The following GALNT15 variants were observed in gnomAD, a reference collection of about 807,000 sequenced individuals.
The protein encoded by GALNT15 is polypeptide N-acetylgalactosaminyltransferase 15, also known as UDP-GalNAc transferase T15.
In GALNT15, 67 loss-of-function variants were observed where a neutral mutation model predicts 66.8. The ratio of observed to expected loss-of-function variants is 1.00; its 90% CI spans 0.82 to 1.23. GALNT15 has a LOEUF of 1.23. Ranked by LOEUF, GALNT15 falls within the 50% of genes most tolerant of loss-of-function variation. The probability of loss-of-function intolerance (pLI) is 0.00; values close to 1 mark genes in which losing one functional copy is unlikely to be tolerated. For synonymous variants in GALNT15, 313 were observed against 311.5 expected, an observed-to-expected ratio of 1.00 and a Z score of -0.05; for missense variants, 827 against 804.3, an observed-to-expected ratio of 1.03 and a Z score of -0.34.
At position 16,176,919 on chromosome 3, in the gene GALNT15, G is replaced by C. The variant is rs2063416667; in HGVS notation, c.539+1229G>C. The stretch of plus-strand genomic sequence containing the variant: ...AACATCTCCTTAAATTGTGTGCCCC[G>C]GGTGCCTCACTCACCGCACCCTACT... On this transcript the variant is annotated intron_variant, in intron 1 of 9. Coordinates refer to ENST00000339732, the MANE Select transcript of GALNT15 (RefSeq NM_054110.5). This position sits in a 1 kb window ranked among gnomAD's most constrained non-coding sequence, Gnocchi z 5.6. Among the ~76,000 whole-genome samples, 1 of 152,066 alleles carries C rather than the reference G, an allele frequency of 6.6e-6. No homozygotes were observed. The highest frequency in any genetic ancestry group is 2.4e-5 in the African/African-American group (1 of 41,396).
At chr3:16,233,446 T>G (rs1308040952), downstream of GALNT15, among the ~76,000 whole-genome samples, 2 of 152,180 alleles carry the variant, frequency 1.3e-5, no homozygotes, top group Non-Finnish European at 2.9e-5. Context: ...ATTCATTTTC[T>G]TCTTTTCCCT....
the GALNT15 span, among the ~76,000 whole-genome samples, chr3:16,248,175 G>C: frequency 6.6e-6 from 1 of 152,202 alleles, no homozygotes; most frequent in Non-Finnish European, 1.5e-5. The surrounding 1 kb of genome is among the most constrained non-coding windows in gnomAD (Gnocchi z 4.9). Context: ...TTCTGCCCTA[G>C]AAAATATAGG....
rs2063409949 is a variant in GALNT15 at position 16,176,360 on chromosome 3, G to T, written c.539+670G>T. On this transcript the variant is annotated intron_variant, in intron 1 of 9. Coordinates refer to ENST00000339732, the MANE Select transcript of GALNT15 (RefSeq NM_054110.5). The surrounding 1 kb of genome is among the most constrained non-coding windows in gnomAD (Gnocchi z 5.6). ...AGTTGCTTTCCCAGTCACGCTGCTA[G>T]TAGGTAACAAAGTCAGGATTTGAAT... 6.6e-6 allele frequency among the ~76,000 whole-genome samples: 1 copy of T among 152,224 alleles called. No homozygotes were observed. Among genetic ancestry groups the T allele is most frequent in the African/African-American group, 2.4e-5 (1 of 41,446 alleles).
chr3:16,236,041 G>T (rs1278972989), downstream of GALNT15, among the ~76,000 whole-genome samples: 1 of 138,696 alleles, frequency 7.2e-6, no homozygotes, highest in Non-Finnish European at 1.5e-5. Context: ...GGAGGCGGAG[G>T]TTGGAGTGAG....
intron 6 of GALNT15, among the ~76,000 whole-genome samples, chr3:16,215,612 G>T (rs1348972029): frequency 1.3e-5 from 2 of 152,098 alleles, no homozygotes; most frequent in Non-Finnish European, 2.9e-5. Flanking sequence ...GGATGTATTT[G>T]GTATATCGAA....
downstream of GALNT15, among the ~76,000 whole-genome samples, chr3:16,234,944 T>G (rs2064117653): frequency 6.8e-6 from 1 of 146,866 alleles, no homozygotes; most frequent in Admixed American, 6.7e-5. Context: ...TTTTTTTTTG[T>G]TGGAGTCTCA....
chr3:16,174,926 A>T lies in GALNT15; in HGVS notation c.-226A>T, dbSNP rs2063388280. 10 of 537,140 alleles carry T rather than the reference A, an allele frequency of 1.9e-5. No homozygotes were observed. In the South Asian group the frequency reaches 3.1e-4, roughly 17 times the overall value. 33.3% of individuals were successfully genotyped at this position (537,140 alleles called of 1,614,324 possible). On this transcript the variant is annotated 5_prime_UTR_variant, in exon 1 of 10. Transcript: ENST00000339732. This position sits in a 1 kb window ranked among gnomAD's most constrained non-coding sequence, Gnocchi z 4.7. ...TTTCAGAAGGCAATTAAAGAAATCC[A>T]CTCAGAGAGGACTTGGGGTGAAACT...
Position 16,227,327 on chromosome 3 carries a change from C to CT in GALNT15, c.1774-23dup. 1 of 1,597,314 alleles carries CT rather than the reference C, an allele frequency of 6.3e-7. No individual in the cohort carries two copies. Among genetic ancestry groups the CT allele is most frequent in the Non-Finnish European group, 8.5e-7 (1 of 1,174,606 alleles). ...TGACTGATTGTGGGGGACTGGTTTT[C>CT]TTTTCTTTTTTCCTTTCTCTTTTTA... On this transcript the variant is annotated intron_variant, in intron 9 of 9. Transcript: ENST00000339732. This position sits in a 1 kb window ranked among gnomAD's most constrained non-coding sequence, Gnocchi z 4.5.
chr3:16,237,483 C>A, the GALNT15 span, among the ~76,000 whole-genome samples: 2 of 152,224 alleles, frequency 1.3e-5, no homozygotes, highest in South Asian at 4.1e-4. The surrounding 1 kb of genome is among the most constrained non-coding windows in gnomAD (Gnocchi z 4.2). Context: ...AGCTCTCCAG[C>A]CCTACATCTA....
In GALNT15 at chr3:16,219,582, A is replaced by C. The variant is rs750409223; in HGVS notation, c.1524+48A>C. Reference sequence around the variant, plus strand: ...TGGGGAGGGACAGGGAAGCTTCCCAAGACAAGAACTAGATGTTCAGCTCTT... The same window carrying C: ...TGGGGAGGGACAGGGAAGCTTCCCACGACAAGAACTAGATGTTCAGCTCTT... On this transcript the variant is annotated intron_variant, in intron 7 of 9. Transcript: ENST00000339732. This position sits in a 1 kb window ranked among gnomAD's most constrained non-coding sequence, Gnocchi z 4.3. 1.2e-6 allele frequency: 2 copies of C among 1,603,962 alleles called. No homozygotes were observed. Among genetic ancestry groups the C allele is most frequent in the Non-Finnish European group, 1.7e-6 (2 of 1,175,034 alleles).
In GALNT15 at chr3:16,195,346, A is replaced by T. The variant is rs1375717638; in HGVS notation, c.540-414A>T. On this transcript the variant is annotated intron_variant, in intron 1 of 9. Transcript: ENST00000339732. The surrounding 1 kb of genome is among the most constrained non-coding windows in gnomAD (Gnocchi z 4.6). ...AATGCAAATTCTTCAGCCCCACTCC[A>T]TCTCCAGAAACTCTGGGGGTGGGCC... Among the ~76,000 whole-genome samples the T allele has an allele frequency of 6.6e-6, 1 of 152,126 alleles. No homozygotes were observed. Among genetic ancestry groups the T allele is most frequent in the African/African-American group, 2.4e-5 (1 of 41,378 alleles).
Position 16,220,003 on chromosome 3 carries a change from C to T in GALNT15, c.1618C>T (p.Arg540Trp), listed in dbSNP as rs144841973. Residue 540 changes from arginine to tryptophan, a missense_variant, in exon 8 of 10, where the codon CGG (arginine) becomes TGG (tryptophan). Transcript: ENST00000339732. ...PMVLAPCSDS[R>W]QQQYLQHTSR... The stretch of plus-strand genomic sequence containing the variant: ...GGTGTTGGCTCCTTGCAGTGACAGC[C>T]GGCAGCAACAGGTGGGTAGTCAGAC... 6.8e-5 allele frequency: 110 copies of T among 1,613,724 alleles called. 1 individual carries two copies. The highest frequency in any genetic ancestry group is 2.5e-4 in the African/African-American group (19 of 75,040).
At chr3:16,237,010 G>T in the GALNT15 span, among the ~76,000 whole-genome samples, 1 of 152,170 alleles carries the variant, frequency 6.6e-6, no homozygotes, top group Non-Finnish European at 1.5e-5. This position sits in a 1 kb window ranked among gnomAD's most constrained non-coding sequence, Gnocchi z 4.2. Context: ...TTATCTTACT[G>T]TGGTGAAGAC....
intron 6 of GALNT15, among the ~76,000 whole-genome samples, chr3:16,216,112 T>A (rs1028577685): frequency 6.6e-5 from 10 of 152,014 alleles, no homozygotes; most frequent in Non-Finnish European, 1.2e-4. Flanking sequence ...GGCAAAAAAA[T>A]TTTTAAACCT....
Position 16,181,498 on chromosome 3 carries a change from C to T in GALNT15, c.539+5808C>T, listed in dbSNP as rs142320765. 8.5e-4 allele frequency among the ~76,000 whole-genome samples: 130 copies of T among 152,090 alleles called. No individual in the cohort carries two copies. Among genetic ancestry groups the T allele is most frequent in the African/African-American group, 3.1e-3 (127 of 41,502 alleles). ...GGCAGGGGCGGGAGAGTCGCCTTGG[C>T]TGCAGCTTTGTTGTCAAGTAGAAGA... On this transcript the variant is annotated intron_variant, in intron 1 of 9. Coordinates refer to ENST00000339732, the MANE Select transcript of GALNT15 (RefSeq NM_054110.5). The surrounding 1 kb of genome is among the most constrained non-coding windows in gnomAD (Gnocchi z 5.9).
At position 16,225,352 on chromosome 3, in the gene GALNT15, T is replaced by A. The variant is rs2063994825; in HGVS notation, c.1774-2002T>A. Among the ~76,000 whole-genome samples, 1 of 152,158 alleles carries A rather than the reference T, an allele frequency of 6.6e-6. No individual in the cohort carries two copies. The highest frequency in any genetic ancestry group is 2.1e-4 in the South Asian group (1 of 4,828). ...TATATCAACTACTAAACTTTACACT[T>A]AAAAATGCCTAAGATTGTAAAAGTT... On this transcript the variant is annotated intron_variant, in intron 9 of 9. Transcript: ENST00000339732. This position sits in a 1 kb window ranked among gnomAD's most constrained non-coding sequence, Gnocchi z 4.4.
In GALNT15 at chr3:16,219,464, TC is replaced by T. The variant is rs774698750; in HGVS notation, c.1456del (p.His486ThrfsTer85). On this transcript the variant is annotated frameshift_variant, in exon 7 of 10. Transcript: ENST00000339732. LOFTEE classifies it high-confidence loss of function. The surrounding 1 kb of genome is among the most constrained non-coding windows in gnomAD (Gnocchi z 4.3). Reference sequence around the variant, plus strand: ...CAAAGGAGACTGGGTTGTCGGACATTCCACTGGTTTCTGGCTAATGTCTACC... The same window carrying T: ...CAAAGGAGACTGGGTTGTCGGACATTCACTGGTTTCTGGCTAATGTCTACC... Reference protein sequence around the residue: ...QLQRRLGCRTFHWFLANVYPE... With the variant: ...QLQRRLGCRTXHWFLANVYPE... The T allele has an allele frequency of 1.2e-6, 2 of 1,614,186 alleles. No homozygotes were observed. The highest frequency in any genetic ancestry group is 1.7e-6 in the Non-Finnish European group (2 of 1,180,028).
In GALNT15 at chr3:16,209,037, A is replaced by G. The variant is rs944753702; in HGVS notation, c.1079+367A>G. ...GATGGAATCTTGGCCCAGCTCTCTC[A>G]TCAGGTACAGTGTGAATTCCTCAGG... On this transcript the variant is annotated intron_variant, in intron 4 of 9. Transcript: ENST00000339732. This position sits in a 1 kb window ranked among gnomAD's most constrained non-coding sequence, Gnocchi z 4.1. 1.3e-5 allele frequency among the ~76,000 whole-genome samples: 2 copies of G among 152,224 alleles called. No individual in the cohort carries two copies. Among genetic ancestry groups the G allele is most frequent in the Admixed American group, 1.3e-4 (2 of 15,286 alleles).
rs1427904720 is a variant in GALNT15, at chr3:16,204,191, T to G, written c.911+3368T>G. On this transcript the variant is annotated intron_variant, in intron 3 of 9. Coordinates refer to ENST00000339732, the MANE Select transcript of GALNT15 (RefSeq NM_054110.5). The surrounding 1 kb of genome is among the most constrained non-coding windows in gnomAD (Gnocchi z 4.5). Reference sequence around the variant, plus strand: ...CTGACCAGCCTTTGTTCCCTGTCCCTGCCTAGCAGGTTCCCACTAGCCATG... The same window carrying G: ...CTGACCAGCCTTTGTTCCCTGTCCCGGCCTAGCAGGTTCCCACTAGCCATG... Among the ~76,000 whole-genome samples the G allele has an allele frequency of 6.6e-6, 1 of 152,172 alleles. No homozygotes were observed. The highest frequency in any genetic ancestry group is 1.5e-5 in the Non-Finnish European group (1 of 68,020).
Sources: gnomAD v4.1 joint callset for allele counts (sites outside exome capture counted in the v4.1 genomes callset) on GRCh38, gnomAD v4.1.1 for gene constraint, Gnocchi (gnomAD v3.1) non-coding constraint, MANE v1.5 for transcripts, NCBI Gene and HGNC (gene_info 2026-07-23, HGNC 2026-07-21) for gene names.